Variants in TNPO1 observed in about 807,000 individuals in gnomAD.
TNPO1 encodes transportin 1, also known as transportin-1.
TNPO1 carries 8 observed loss-of-function variants against 119.5 expected under a neutral mutation model. The observed-to-expected ratio is 0.07, with a 90% CI of 0.04 to 0.12. TNPO1 has a LOEUF of 0.12. Among genes scored for constraint, TNPO1 ranks in the 10% least tolerant of loss-of-function variants. The pLI is 1.00. For missense variants in TNPO1, 576 were observed against 1,089.8 expected (o/e 0.53, Z 6.64); for synonymous variants, 362 against 363.0 (o/e 1.00, Z 0.03).
chr5:72,904,967 G>A (rs1276113115), intron 23 of TNPO1, among the ~76,000 whole-genome samples: 3 of 152,136 alleles, frequency 2.0e-5, no homozygotes, highest in Non-Finnish European at 4.4e-5. Context: ...CAAGTGAAAC[G>A]GGTTTCCCCT....
At chr5:72,880,583 G>A (rs1401415270) in intron 9 of TNPO1, among the ~76,000 whole-genome samples, 1 of 152,178 alleles carries the variant, frequency 6.6e-6, no homozygotes, top group Non-Finnish European at 1.5e-5. Context: ...GGGAGTCCAA[G>A]GCGGGTGTAT....
At chr5:72,888,382 T>C in intron 13 of TNPO1, 79 bp downstream of exon 13, 1 of 1,241,124 alleles carries the variant, frequency 8.1e-7, no homozygotes, top group Admixed American at 2.2e-5. Context: ...GTGTTGGTGT[T>C]AAACCTATAA....
chr5:72,894,216 G>C (rs1192415793), intron 18 of TNPO1, among the ~76,000 whole-genome samples: 2 of 151,858 alleles, frequency 1.3e-5, no homozygotes, highest in East Asian at 3.9e-4. Context: ...GAGGTCAGGA[G>C]TGCGAGATTC....
At chr5:72,868,479 C>CATTTGTGG (rs1561327144) in intron 6 of TNPO1, among the ~76,000 whole-genome samples, 1 of 139,166 alleles carries the variant, frequency 7.2e-6, no homozygotes, top group Non-Finnish European at 1.5e-5. Context: ...ATATATCAGG[C>CATTTGTGG]ATTTGTGGGT....
chr5:72,883,542 CT>C (rs1748403201), intron 11 of TNPO1, among the ~76,000 whole-genome samples: 1 of 152,190 alleles, frequency 6.6e-6, no homozygotes. Context: ...TTGTGACCAT[CT>C]TCTTTAACTT....
At chr5:72,895,354 C>CTT (rs34306580) in intron 18 of TNPO1, among the ~76,000 whole-genome samples, 2 of 145,046 alleles carry the variant, frequency 1.4e-5, no homozygotes, top group Admixed American at 6.9e-5. Context: ...GTTGTCCCTC[C>CTT]TTTTTTTTTT....
At chr5:72,907,454 G>T (rs1233441425) in intron 24 of TNPO1, among the ~76,000 whole-genome samples, 1 of 152,150 alleles carries the variant, frequency 6.6e-6, no homozygotes, top group Non-Finnish European at 1.5e-5. Flanking sequence ...CAGGAGAAAA[G>T]GGATTGCTTA....
intron 4 of TNPO1, among the ~76,000 whole-genome samples, chr5:72,856,237 T>G (rs1424653166): frequency 6.6e-6 from 1 of 152,032 alleles, no homozygotes; most frequent in Non-Finnish European, 1.5e-5. Flanking sequence ...GAGTTCTGTT[T>G]GTTTTTTTGT....
At chr5:72,861,661 C>T (rs546283879) in intron 4 of TNPO1, 147 bp from the exon 5 acceptor site, 2 of 585,826 alleles carry the variant, frequency 3.4e-6, no homozygotes, top group Middle Eastern at 4.8e-4. Flanking sequence ...GCCTCGGCCT[C>T]CCAGAATGCT....
At chr5:72,901,111 T>G in intron 22 of TNPO1, 38 bp downstream of exon 22, 1 of 1,365,502 alleles carries the variant, frequency 7.3e-7, no homozygotes, top group Non-Finnish European at 1.0e-6. Flanking sequence ...AATGTCTAAT[T>G]AATAAAATTT....
intron 1 of TNPO1, among the ~76,000 whole-genome samples, chr5:72,834,690 GTTAAT>G (rs1744614413): frequency 6.6e-6 from 1 of 152,062 alleles, no homozygotes; most frequent in Admixed American, 6.6e-5. Flanking sequence ...AACAGCTGAG[GTTAAT>G]TTATTATTGA....
intron 7 of TNPO1, among the ~76,000 whole-genome samples, chr5:72,874,895 C>T (rs531592562): frequency 3.1e-4 from 47 of 152,330 alleles, no homozygotes; most frequent in Admixed American, 3.0e-3. Context: ...TTTCCTCTCA[C>T]ATCCCCACTC....
chr5:72,881,862 TCTC>T (rs1415749402), intron 9 of TNPO1, among the ~76,000 whole-genome samples: 1 of 152,186 alleles, frequency 6.6e-6, no homozygotes, highest in Non-Finnish European at 1.5e-5. Context: ...ACTCTTAGCT[TCTC>T]CTTGTTGCCT....
chr5:72,854,675 T>TA (rs1245003677), intron 3 of TNPO1, among the ~76,000 whole-genome samples: 6 of 152,218 alleles, frequency 3.9e-5, no homozygotes, highest in Non-Finnish European at 8.8e-5. Context: ...TAATAAATCA[T>TA]AAGCATTTCG....
rs1750726071 is a variant in TNPO1, at chr5:72,913,984, A to T, written c.*5311A>T. The T allele has an allele frequency of 6.6e-6, 1 of 152,620 alleles. No homozygotes were observed. The highest frequency in any genetic ancestry group is 1.9e-4 in the East Asian group (1 of 5,204). The allele number at this position is 152,620 out of a possible 1,614,324, so 9.5% of individuals were successfully genotyped here. On this transcript the variant is annotated 3_prime_UTR_variant, in exon 25 of 25. Transcript: ENST00000337273. The stretch of plus-strand genomic sequence containing the variant: ...TTAACATTGGGTGCAATAATTTAGT[A>T]GCATTAGCTTTAGTTACAAATATAA...
intron 24 of TNPO1, 161 bp downstream of exon 24, chr5:72,905,606 T>A (rs181866120): frequency 5.2e-6 from 2 of 381,140 alleles, no homozygotes; most frequent in East Asian, 8.9e-5. Flanking sequence ...TTAAAATTAC[T>A]TAAGTGGGCC....
intron 1 of TNPO1, among the ~76,000 whole-genome samples, chr5:72,840,361 G>A (rs923187423): frequency 2.8e-4 from 43 of 152,020 alleles, no homozygotes; most frequent in Non-Finnish European, 4.7e-4. Context: ...ACATATTCAT[G>A]GAATTAAATG....
intron 24 of TNPO1, among the ~76,000 whole-genome samples, chr5:72,906,399 C>A (rs968327634): frequency 4.8e-5 from 7 of 145,710 alleles, no homozygotes; most frequent in African/African-American, 1.8e-4. Flanking sequence ...TCAAGCAATT[C>A]TCCTGCCCGA....
chr5:72,870,308 G>T (rs1170167482), intron 6 of TNPO1, among the ~76,000 whole-genome samples: 1 of 151,784 alleles, frequency 6.6e-6, no homozygotes, highest in South Asian at 2.1e-4. Context: ...AATTACAGGC[G>T]CATGCCATCA....
Sources: allele counts gnomAD v4.1 joint callset (sites outside exome capture counted in the v4.1 genomes callset), GRCh38; gene constraint gnomAD v4.1.1; transcripts MANE v1.5; gene names NCBI Gene and HGNC (gene_info 2026-07-23, HGNC 2026-07-21).